Variants in MSH3 observed in about 807,000 individuals in gnomAD.
MSH3 encodes the protein mutS homolog 3, also known as DNA mismatch repair protein Msh3.
In MSH3, 106 loss-of-function variants were observed where a neutral mutation model predicts 123.3. That is an observed-to-expected ratio of 0.86 (90% CI 0.73 to 1.01). The LOEUF (loss-of-function observed/expected upper bound fraction) is 1.01. Among genes scored for constraint, MSH3 ranks in the 50% least tolerant of loss-of-function variants. The probability of loss-of-function intolerance (pLI) is 0.00; values close to 1 mark genes in which losing one functional copy is unlikely to be tolerated. For synonymous variants in MSH3, 515 were observed against 481.4 expected (o/e 1.07, Z -0.91); for missense variants, 1,459 against 1,347.6 (o/e 1.08, Z -1.29).
intron 8 of MSH3, among the ~76,000 whole-genome samples, chr5:80,687,253 A>G (rs1750112705): frequency 6.6e-6 from 1 of 152,246 alleles, no homozygotes; most frequent in Admixed American, 6.5e-5. Flanking sequence ...TGTTGTAAAA[A>G]TGTAGAGAAA....
rs1442408151 is a variant in MSH3, at chr5:80,819,432, GTATATATATGTATA to G, written c.2813+5693_2813+5706del. Among the ~76,000 whole-genome samples the G allele has an allele frequency of 3.0e-4, 33 of 110,614 alleles. No homozygotes were observed. In the East Asian group the frequency reaches 8.7e-3, roughly 29 times the overall value. The allele number at this position is 110,614 out of a possible 152,430, so 72.6% of individuals were successfully genotyped here. On this transcript the variant is annotated intron_variant, in intron 20 of 23. Coordinates refer to ENST00000265081, the MANE Select transcript of MSH3 (RefSeq NM_002439.5). ...TGTGTATATATGTATATATGTGTGT[GTATATATATGTATA>G]TGTGTGTGTGTGTGTGTGTGTATAT...
chr5:80,761,027 A>G (rs908998845), intron 12 of MSH3, among the ~76,000 whole-genome samples: 3 of 152,162 alleles, frequency 2.0e-5, no homozygotes, highest in Admixed American at 1.3e-4. Flanking sequence ...TCAGATAATA[A>G]TAAGAGGCAT....
At chr5:80,797,711 A>G (rs1744720679) in intron 19 of MSH3, among the ~76,000 whole-genome samples, 2 of 152,222 alleles carry the variant, frequency 1.3e-5, no homozygotes, top group African/African-American at 4.8e-5. Flanking sequence ...TGCATCACAC[A>G]GAAAATGATA....
intron 20 of MSH3, among the ~76,000 whole-genome samples, chr5:80,847,352 C>T (rs1580087519): frequency 6.9e-6 from 1 of 144,454 alleles, no homozygotes; most frequent in South Asian, 2.2e-4. Context: ...CTGCACCTGG[C>T]TGAATATTTT....
Position 80,842,382 on chromosome 5 carries a change from A to G in MSH3, c.2814-11748A>G, listed in dbSNP as rs182175710. Among the ~76,000 whole-genome samples, 244 of 152,300 alleles carry G rather than the reference A, an allele frequency of 1.6e-3. 3 individuals are homozygous for G. The East Asian group carries it at 0.039, about 25-fold the overall frequency. ...CTTTTTGCTTAGGATTGTCTTGGCA[A>G]TGCAGGCTCTTTTTTGGTTCCATAT... On this transcript the variant is annotated intron_variant, in intron 20 of 23. Transcript: ENST00000265081.
intron 8 of MSH3, among the ~76,000 whole-genome samples, chr5:80,690,884 A>C (rs1405820161): frequency 6.6e-6 from 1 of 152,172 alleles, no homozygotes; most frequent in Non-Finnish European, 1.5e-5. Flanking sequence ...TAAGTATTTC[A>C]TGAAATTCCT....
intron 12 of MSH3, among the ~76,000 whole-genome samples, chr5:80,756,394 T>C (rs1296137331): frequency 6.6e-6 from 1 of 152,196 alleles, no homozygotes; most frequent in Non-Finnish European, 1.5e-5. Context: ...CTCTGGATTT[T>C]TGAAACAGCT....
chr5:80,860,552 A>C (rs1322349268), intron 21 of MSH3, among the ~76,000 whole-genome samples: 1 of 149,208 alleles, frequency 6.7e-6, no homozygotes, highest in Non-Finnish European at 1.5e-5. Flanking sequence ...GCTTGTGTGG[A>C]TAAGGTGTTT....
chr5:80,788,558 C>G (rs961845151), intron 18 of MSH3, among the ~76,000 whole-genome samples: 10 of 151,920 alleles, frequency 6.6e-5, no homozygotes, highest in African/African-American at 2.4e-4. Context: ...TGCCTGTAAT[C>G]CCAGCATTTT....
intron 20 of MSH3, among the ~76,000 whole-genome samples, chr5:80,833,475 G>A (rs569621782): frequency 1.3e-5 from 2 of 151,974 alleles, no homozygotes; most frequent in East Asian, 1.9e-4. Flanking sequence ...ATGGAGTCTC[G>A]CTCTGTCGCC....
chr5:80,856,348 A>T (rs193262249), intron 21 of MSH3, among the ~76,000 whole-genome samples: 181 of 152,058 alleles, frequency 1.2e-3, no homozygotes, highest in South Asian at 4.8e-3. Context: ...TAACTCAGAA[A>T]CTTTAATCAT....
intron 13 of MSH3, among the ~76,000 whole-genome samples, chr5:80,766,239 C>G (rs934100785): frequency 1.3e-5 from 2 of 151,540 alleles, no homozygotes; most frequent in Non-Finnish European, 2.9e-5. Flanking sequence ...GTTTAAAATT[C>G]AGATACCTTG....
chr5:80,680,372 T>C (rs1749948605), intron 8 of MSH3, among the ~76,000 whole-genome samples: 2 of 152,130 alleles, frequency 1.3e-5, no homozygotes, highest in African/African-American at 4.8e-5. Context: ...GAAGTAGCTT[T>C]CATAATTTGT....
intron 16 of MSH3, among the ~76,000 whole-genome samples, chr5:80,776,882 T>A (rs1439293601): frequency 1.4e-5 from 2 of 147,420 alleles, no homozygotes; most frequent in African/African-American, 4.9e-5. Context: ...ATAATATATA[T>A]AATACATATA....
intron 20 of MSH3, among the ~76,000 whole-genome samples, chr5:80,825,870 A>G (rs532565333): frequency 5.9e-5 from 9 of 152,246 alleles, no homozygotes; most frequent in African/African-American, 2.2e-4. Context: ...TTTTCTCTCC[A>G]TGTGCATACT....
At chr5:80,762,623 T>C (rs1285247602) in intron 13 of MSH3, among the ~76,000 whole-genome samples, 1 of 151,816 alleles carries the variant, frequency 6.6e-6, no homozygotes, top group East Asian at 1.9e-4. Flanking sequence ...GACTGCCATT[T>C]TTTTTTTCTG....
intron 8 of MSH3, among the ~76,000 whole-genome samples, chr5:80,713,926 T>G (rs908308324): frequency 9.9e-5 from 15 of 152,162 alleles, no homozygotes; most frequent in Non-Finnish European, 1.8e-4. Context: ...CAGGTGACTC[T>G]GATGCCGGTG....
chr5:80,807,147 C>T (rs1212961381), intron 19 of MSH3, among the ~76,000 whole-genome samples: 15 of 140,832 alleles, frequency 1.1e-4, no homozygotes. Flanking sequence ...GTCATGTTTG[C>T]ACCACTGCAC....
At chr5:80,701,755 C>G (rs560530095) in intron 8 of MSH3, among the ~76,000 whole-genome samples, 2 of 152,252 alleles carry the variant, frequency 1.3e-5, no homozygotes, top group South Asian at 2.1e-4. Context: ...TTCTTCCTGT[C>G]GAACCTCCCT....
Sources: allele counts gnomAD v4.1 joint callset (sites outside exome capture counted in the v4.1 genomes callset), GRCh38; gene constraint gnomAD v4.1.1; transcripts MANE v1.5; gene names NCBI Gene and HGNC (gene_info 2026-07-23, HGNC 2026-07-21).